NKAIN2: variants seen among roughly 807,000 people sequenced by gnomAD.
NKAIN2 encodes sodium/potassium transporting ATPase interacting 2.
A neutral mutation model predicts 32.6 loss-of-function variants in NKAIN2; 14 were observed. That is an observed-to-expected ratio of 0.43 (90% confidence interval 0.28 to 0.67). The LOEUF is 0.67. NKAIN2 is among the 30% of genes least tolerant of loss of function. NKAIN2 has a pLI of 0.17. For synonymous variants in NKAIN2, 80 were observed against 87.2 expected (o/e 0.92, Z 0.46); for missense variants, 198 against 258.3 (o/e 0.77, Z 1.60).
At chr6:124,700,898 A>ACACT (rs1369604570) in intron 4 of NKAIN2, among the ~76,000 whole-genome samples, 29 of 148,670 alleles carry the variant, frequency 2.0e-4, no homozygotes, top group South Asian at 8.6e-4. Flanking sequence ...ACACACACAC[A>ACACT]CTCTCTCATC....
chr6:124,626,128 G>T (rs866406604), intron 3 of NKAIN2, among the ~76,000 whole-genome samples: 19 of 124,054 alleles, frequency 1.5e-4, no homozygotes, highest in African/African-American at 5.7e-4. Context: ...AGGGTGACCA[G>T]TTTTAATGTA....
intron 1 of NKAIN2, among the ~76,000 whole-genome samples, chr6:123,967,292 C>G (rs9491024): frequency 1.3e-5 from 2 of 152,230 alleles, no homozygotes; most frequent in Non-Finnish European, 2.9e-5. Context: ...TTTGAAATTG[C>G]AAATACTCTT....
At chr6:124,400,930 T>G (rs190058950) in intron 3 of NKAIN2, among the ~76,000 whole-genome samples, 10 of 152,292 alleles carry the variant, frequency 6.6e-5, no homozygotes, top group African/African-American at 2.4e-4. Context: ...TGCTAAATGT[T>G]AGAGTTTTGC....
chr6:124,151,360 G>A (rs1260839828), intron 1 of NKAIN2, among the ~76,000 whole-genome samples: 1 of 151,820 alleles, frequency 6.6e-6, no homozygotes, highest in Middle Eastern at 3.4e-3. Flanking sequence ...AAATAACAAC[G>A]TCCCATATCA....
chr6:124,220,816 A>C (rs913745716), intron 1 of NKAIN2, among the ~76,000 whole-genome samples: 1 of 152,088 alleles, frequency 6.6e-6, no homozygotes, highest in Non-Finnish European at 1.5e-5. Context: ...AATTCCTGGG[A>C]TATACTAGGA....
At position 124,487,871 on chromosome 6, in the gene NKAIN2, C is replaced by A. The variant is rs117351158; in HGVS notation, c.273+132524C>A. Among the ~76,000 whole-genome samples, 219 of 152,162 alleles carry A rather than the reference C, an allele frequency of 1.4e-3. No individual in the cohort carries two copies. In the Middle Eastern group the frequency reaches 0.024, roughly 17 times the overall value. On this transcript the variant is annotated intron_variant, in intron 3 of 6. Transcript: ENST00000368417. ...TAGCACCATATCTTCTCCATAGGTC[C>A]ATTTCTCTCTCCTTTATACTTTGAC...
At chr6:124,462,739 T>G (rs1398076869) in intron 3 of NKAIN2, among the ~76,000 whole-genome samples, 1 of 151,990 alleles carries the variant, frequency 6.6e-6, no homozygotes, top group Admixed American at 6.6e-5. Flanking sequence ...AGAACTCCAT[T>G]CACAAAACAA....
At chr6:124,224,048 T>A (rs1416307842) in intron 1 of NKAIN2, among the ~76,000 whole-genome samples, 2 of 152,148 alleles carry the variant, frequency 1.3e-5, no homozygotes, top group Middle Eastern at 3.2e-3. Flanking sequence ...TAATTGATAT[T>A]ACAATCTCTC....
intron 1 of NKAIN2, among the ~76,000 whole-genome samples, chr6:123,871,728 C>T (rs1456171182): frequency 6.6e-6 from 1 of 152,154 alleles, no homozygotes; most frequent in East Asian, 1.9e-4. Context: ...AATTTCTTTT[C>T]TGTGCTTTAG....
intron 4 of NKAIN2, among the ~76,000 whole-genome samples, chr6:124,713,032 ATAAC>A (rs1223201645): frequency 6.6e-6 from 1 of 152,158 alleles, no homozygotes; most frequent in Non-Finnish European, 1.5e-5. Context: ...AAAGGAGAGC[ATAAC>A]TAATATGTTG....
At chr6:124,757,104 G>T (rs2114724751) in intron 4 of NKAIN2, among the ~76,000 whole-genome samples, 1 of 152,042 alleles carries the variant, frequency 6.6e-6, no homozygotes, top group African/African-American at 2.4e-5. Flanking sequence ...TCCCTCCACT[G>T]TCGCCCTTTT....
chr6:124,347,221 C>T (rs1562504290), intron 2 of NKAIN2, among the ~76,000 whole-genome samples: 1 of 152,192 alleles, frequency 6.6e-6, no homozygotes, highest in East Asian at 1.9e-4. Context: ...GTCTGATGGG[C>T]TTCCCTTTGT....
At chr6:124,666,923 A>C (rs975006063) in intron 4 of NKAIN2, among the ~76,000 whole-genome samples, 8 of 152,152 alleles carry the variant, frequency 5.3e-5, no homozygotes, top group Non-Finnish European at 8.8e-5. Flanking sequence ...GAAAACAATA[A>C]AGGTAATGTT....
At chr6:123,811,674 G>A (rs1028636319) in intron 1 of NKAIN2, among the ~76,000 whole-genome samples, 1 of 152,022 alleles carries the variant, frequency 6.6e-6, no homozygotes, top group East Asian at 1.9e-4. Flanking sequence ...TATGCTAAAA[G>A]TTAACATCTT....
chr6:124,661,405 C>T (rs779166175), intron 4 of NKAIN2, among the ~76,000 whole-genome samples: 4 of 152,186 alleles, frequency 2.6e-5, no homozygotes, highest in Non-Finnish European at 5.9e-5. Context: ...CTCTTTGTCT[C>T]CACCCTCATT....
intron 1 of NKAIN2, among the ~76,000 whole-genome samples, chr6:124,101,762 T>G (rs941060595): frequency 6.6e-6 from 1 of 152,122 alleles, no homozygotes; most frequent in East Asian, 1.9e-4. Flanking sequence ...GCTGGGCTCA[T>G]GAACCAAGAG....
chr6:124,568,492 A>T (rs1388978620), intron 3 of NKAIN2, among the ~76,000 whole-genome samples: 1 of 152,218 alleles, frequency 6.6e-6, no homozygotes, highest in African/African-American at 2.4e-5. Flanking sequence ...TATAGATGAA[A>T]AAACTGAGTC....
Position 124,551,076 on chromosome 6 carries a change from G to C in NKAIN2, c.274-107110G>C, listed in dbSNP as rs568029877. Among the ~76,000 whole-genome samples, 3 of 152,292 alleles carry C rather than the reference G, an allele frequency of 2.0e-5. No individual in the cohort carries two copies. In the East Asian group the frequency reaches 5.8e-4, roughly 29 times the overall value. On this transcript the variant is annotated intron_variant, in intron 3 of 6. Transcript: ENST00000368417. ...TTCTGGTGCAGATGTGGAGTAGGCA[G>C]ATGTATTTGACCAACCTAGAACTGC...
At chr6:124,097,800 A>C (rs1784706901) in intron 1 of NKAIN2, among the ~76,000 whole-genome samples, 1 of 152,160 alleles carries the variant, frequency 6.6e-6, no homozygotes, top group Admixed American at 6.5e-5. Context: ...ATGCAGGAAA[A>C]CTGTAGAGTG....
Sources: gnomAD v4.1 joint callset for allele counts (sites outside exome capture counted in the v4.1 genomes callset) on GRCh38, gnomAD v4.1.1 for gene constraint, MANE v1.5 for transcripts, NCBI Gene and HGNC (gene_info 2026-07-23, HGNC 2026-07-21) for gene names.